The following CNOT3 variants were observed in gnomAD, a reference collection of about 807,000 sequenced individuals.
The protein encoded by CNOT3 is CCR4-NOT transcription complex subunit 3, also known as CCR4-associated factor 3.
CNOT3 carries 2 observed loss-of-function variants against 89.4 expected under a neutral mutation model. The observed-to-expected ratio is 0.02, with a 90% confidence interval of 0.01 to 0.07. The LOEUF is 0.07. Ranked by LOEUF, CNOT3 falls within the 10% of genes least tolerant of loss-of-function variation. CNOT3 has a pLI of 1.00. For missense variants in CNOT3, 664 were observed against 1,010.2 expected (o/e 0.66, Z 4.65); for synonymous variants, 486 against 402.0 (o/e 1.21, Z -2.50).
intron 1 of CNOT3, chr19:54,142,707 AC>A (rs2074502224): frequency 1.7e-6 from 1 of 589,404 alleles, no homozygotes; most frequent in Non-Finnish European, 3.0e-6. Context: ...AAAGTATGTA[AC>A]TTTTCTTGTT....
intron 15 of CNOT3, 35 bp from the exon 16 acceptor site, chr19:54,152,832 G>C (rs1222275675): frequency 2.0e-6 from 2 of 1,011,218 alleles, no homozygotes; most frequent in Non-Finnish European, 1.5e-6. Flanking sequence ...AGGACTAGTA[G>C]GCAGCTGGCA....
At chr19:54,155,104 GT>G (rs1476003211) in intron 17 of CNOT3, 20 of 608,204 alleles carry the variant, frequency 3.3e-5, no homozygotes, top group Admixed American at 1.6e-4. Context: ...GGCCCCCTCC[GT>G]TTCCTCCTCG....
chr19:54,145,890 C>T lies in CNOT3; in HGVS notation c.704-20C>T, dbSNP rs2074645939. ...GGGCTGTGTGAGCCAGCTAAGCATG[C>T]CCTTCTTCTGCCCCCACAGCACAGG... On this transcript the variant is annotated intron_variant, in intron 8 of 17. Transcript: ENST00000221232. The surrounding 1 kb of genome is among the most constrained non-coding windows in gnomAD (Gnocchi z 5.9). 1 of 1,612,798 alleles carries T rather than the reference C, an allele frequency of 6.2e-7. No homozygotes were observed.
At chr19:54,143,300 G>A (rs1017350190) in intron 3 of CNOT3, 114 bp downstream of exon 3, 2 of 924,808 alleles carry the variant, frequency 2.2e-6, no homozygotes, top group Non-Finnish European at 3.3e-6. Flanking sequence ...AGATGCTGAG[G>A]ACCTAAGAGA....
chr19:54,148,520 C>A lies in CNOT3; in HGVS notation c.1267C>A (p.Gln423Lys), dbSNP rs778793002. 6.4e-7 allele frequency: 1 copy of A among 1,556,792 alleles called. No homozygotes were observed. The highest frequency in any genetic ancestry group is 8.7e-7 in the Non-Finnish European group (1 of 1,146,980). The change falls in exon 11 of 18, where the codon CAG becomes AAG. Residue 423 changes from glutamine to lysine, a missense_variant. Transcript: ENST00000221232. This position sits in a 1 kb window ranked among gnomAD's most constrained non-coding sequence, Gnocchi z 6.3. ...NSSAGGGAGK[Q>K]NGATSYSSVV... Reference sequence around the variant, plus strand: ...CAGTGCCGGTGGAGGGGCTGGCAAGCAGAATGGCGCCACCAGTGAGTGAGG... The same window carrying A: ...CAGTGCCGGTGGAGGGGCTGGCAAGAAGAATGGCGCCACCAGTGAGTGAGG...
chr19:54,148,774 A>G lies in CNOT3; in HGVS notation c.1406+31A>G, dbSNP rs587759754. On this transcript the variant is annotated intron_variant, in intron 12 of 17. Transcript: ENST00000221232. The surrounding 1 kb of genome is among the most constrained non-coding windows in gnomAD (Gnocchi z 6.3). ...TGTCTCGGCCATCGGCAGGGTTGGG[A>G]TGGCAGCCTTTTGAAACAGAGAGGC... The G allele has an allele frequency of 6.2e-6, 10 of 1,600,434 alleles. No individual in the cohort carries two copies. In the South Asian group the frequency reaches 7.8e-5, roughly 13 times the overall value.
chr19:54,148,967 T>C lies in CNOT3; in HGVS notation c.1406+224T>C, dbSNP rs2074876875. ...GCCCTTCAGAACATTCTAAAATACG[T>C]TCTCATCTAAGTGGAAGTTTTCTCA... On this transcript the variant is annotated intron_variant, in intron 12 of 17. Transcript: ENST00000221232. This position sits in a 1 kb window ranked among gnomAD's most constrained non-coding sequence, Gnocchi z 6.3. Among the ~76,000 whole-genome samples the C allele has an allele frequency of 2.0e-5, 3 of 152,160 alleles. No homozygotes were observed. In the South Asian group the frequency reaches 6.2e-4, roughly 31 times the overall value.
At position 54,152,467 on chromosome 19, in the gene CNOT3, C is replaced by T; in HGVS notation, c.1745C>T (p.Ala582Val). The change falls in exon 15 of 18, where the codon GCC becomes GTC. Residue 582 changes from alanine (A) to valine (V), a missense_variant. Around this residue, in one of 8 missense-constraint regions of CNOT3, gnomAD observed 545 missense variants for 566.2 expected, o/e 0.96. Coordinates refer to ENST00000221232, the MANE Select transcript of CNOT3 (RefSeq NM_014516.4). Reference sequence around the variant, plus strand: ...AGTACATCAGCACCTCCGGCCTCAGCCCAGCCGCCCCTGCAGCTGTCAGAG... The same window carrying T: ...AGTACATCAGCACCTCCGGCCTCAGTCCAGCCGCCCCTGCAGCTGTCAGAG... ...LSSTSAPPAS[A>V]QPPLQLSEVN... 6.2e-7 allele frequency: 1 copy of T among 1,614,206 alleles called. No homozygotes were observed. The highest frequency in any genetic ancestry group is 8.5e-7 in the Non-Finnish European group (1 of 1,180,026).
At chr19:54,151,551 C>G (rs1340518304) in intron 13 of CNOT3, among the ~76,000 whole-genome samples, 1 of 152,220 alleles carries the variant, frequency 6.6e-6, no homozygotes, top group Non-Finnish European at 1.5e-5. Context: ...GCCTTGGCGA[C>G]TGACTCGTTG....
Position 54,152,479 on chromosome 19 carries a change from T to C in CNOT3, c.1757T>C (p.Leu586Pro). 1 of 1,614,176 alleles carries C rather than the reference T, an allele frequency of 6.2e-7. No homozygotes were observed. ...SAPPASAQPP[L>P]QLSEVNIPLS... is the part of the protein sequence containing the mutation. ...CCTCCGGCCTCAGCCCAGCCGCCCC[T>C]GCAGCTGTCAGAGGTGAACATACCG... is the stretch of plus-strand genomic sequence containing the variant. Residue 586 changes from leucine (L) to proline (P), a missense_variant, in exon 15 of 18, where the codon CTG becomes CCG. Physicochemically the swap from Leu to Pro is moderately conservative, Grantham distance 98 (BLOSUM62 -3). Transcript: ENST00000221232.
At chr19:54,143,575 G>T in intron 4 of CNOT3, 59 bp downstream of exon 4, 1 of 1,604,986 alleles carries the variant, frequency 6.2e-7, no homozygotes, top group South Asian at 1.1e-5. Flanking sequence ...CTGGGAGAGT[G>T]GACTGCTGGG....
intron 13 of CNOT3, 22 bp downstream of exon 13, chr19:54,149,780 C>T (rs765093180): frequency 1.1e-4 from 169 of 1,576,846 alleles, no homozygotes; most frequent in Middle Eastern, 1.7e-4. Flanking sequence ...GGACATCCCC[C>T]GAGCCTCTGT....
rs2075271512 is a variant in CNOT3, at chr19:54,153,706, C to T, written c.2038-9C>T. On this transcript the variant is annotated splice_polypyrimidine_tract_variant and intron_variant, in intron 16 of 17. Transcript: ENST00000221232. ...CCCCTGATCCCCCTCTCCACTGTTC[C>T]TCCCCCAGGGCACTAAGGCACAGTA... The T allele has an allele frequency of 1.2e-6, 2 of 1,613,560 alleles. No homozygotes were observed. The highest frequency in any genetic ancestry group is 1.7e-6 in the Non-Finnish European group (2 of 1,179,510).
rs764340197 is a variant in CNOT3, at chr19:54,152,272, C to T, written c.1652C>T (p.Ala551Val). The change falls in exon 14 of 18, where the codon GCC becomes GTC. Residue 551 changes from alanine to valine, a missense_variant. Ala to Val is a moderately conservative substitution (Grantham distance 64). This residue lies in a region of CNOT3 where 545 missense variants were observed against 566.2 expected (regional missense o/e 0.96). Transcript: ENST00000221232. ...SSLKSMAERA[A>V]ISSGIEDPVP... Reference sequence around the variant, plus strand: ...TTGAAGTCCATGGCGGAACGGGCAGCCATCAGCTCTGGCATTGAGGACCCT... The same window carrying T: ...TTGAAGTCCATGGCGGAACGGGCAGTCATCAGCTCTGGCATTGAGGACCCT... 6.2e-7 allele frequency: 1 copy of T among 1,614,014 alleles called. No homozygotes were observed. Among genetic ancestry groups the T allele is most frequent in the Non-Finnish European group, 8.5e-7 (1 of 1,180,024 alleles).
In CNOT3 at chr19:54,148,508, G is replaced by A. The variant is rs1334816211; in HGVS notation, c.1255G>A (p.Gly419Arg). The part of the protein sequence containing the change: ...SSSSNSSAGG[G>R]AGKQNGATSY... ...CAGTAGTAACAGCAGTGCCGGTGGA[G>A]GGGCTGGCAAGCAGAATGGCGCCAC... Residue 419 changes from glycine (G) to arginine (R), a missense_variant, in exon 11 of 18, where the codon GGG (glycine) becomes AGG (arginine). Around this residue, in one of 8 missense-constraint regions of CNOT3, gnomAD observed 545 missense variants for 566.2 expected, o/e 0.96. Coordinates refer to ENST00000221232, the MANE Select transcript of CNOT3 (RefSeq NM_014516.4). This position sits in a 1 kb window ranked among gnomAD's most constrained non-coding sequence, Gnocchi z 6.3. The A allele has an allele frequency of 1.3e-6, 2 of 1,559,552 alleles. No individual in the cohort carries two copies. The highest frequency in any genetic ancestry group is 1.7e-6 in the Non-Finnish European group (2 of 1,149,310).
In CNOT3 at chr19:54,145,254, C is replaced by T. The variant is rs191016671; in HGVS notation, c.484-344C>T. Among the ~76,000 whole-genome samples the T allele has an allele frequency of 3.5e-3, 528 of 152,138 alleles. 7 individuals are homozygous for T. The highest frequency in any genetic ancestry group is 0.012 in the African/African-American group (510 of 41,484). ...TGCCAGAGGCAGTCACAGTGGTGGG[C>T]GGGCTCAGTTGAGAAATCTGGGCTG... On this transcript the variant is annotated intron_variant, in intron 7 of 17. Transcript: ENST00000221232. This position sits in a 1 kb window ranked among gnomAD's most constrained non-coding sequence, Gnocchi z 5.9.
At chr19:54,143,028 C>T (rs1222613944) in intron 2 of CNOT3, 25 bp downstream of exon 2, 6 of 1,613,884 alleles carry the variant, frequency 3.7e-6, no homozygotes, top group East Asian at 4.5e-5. Context: ...TCCTGCTGCA[C>T]CTGTAGCCAC....
rs150786079 is a variant in CNOT3, at chr19:54,142,930, G to A, written c.-49G>A. On this transcript the variant is annotated splice_region_variant and 5_prime_UTR_variant, in exon 2 of 18. Coordinates refer to ENST00000221232, the MANE Select transcript of CNOT3 (RefSeq NM_014516.4). Reference sequence around the variant, plus strand: ...TTCCTCTCCAATCTCTCCTAGCAGCGTCCGTCTCCAAGAGAGTATGAAGAG... The same window carrying A: ...TTCCTCTCCAATCTCTCCTAGCAGCATCCGTCTCCAAGAGAGTATGAAGAG... The A allele has an allele frequency of 4.5e-3, 7,120 of 1,597,910 alleles. 37 individuals are homozygous for A. Among genetic ancestry groups the A allele is most frequent in the Middle Eastern group, 0.017 (100 of 5,990 alleles).
In CNOT3 at chr19:54,143,527, T is replaced by C; in HGVS notation, c.168+11T>C. ...ATTAAGAAGCTACAAGTGAGGGGGC[T>C]GGGGGCCTGGACGCCTTTGTCCTGA... On this transcript the variant is annotated intron_variant, in intron 4 of 17. Coordinates refer to ENST00000221232, the MANE Select transcript of CNOT3 (RefSeq NM_014516.4). The C allele has an allele frequency of 1.2e-6, 2 of 1,613,502 alleles. No individual in the cohort carries two copies. The highest frequency in any genetic ancestry group is 1.7e-6 in the Non-Finnish European group (2 of 1,179,738).
Sources: gnomAD v4.1 joint callset for allele counts (sites outside exome capture counted in the v4.1 genomes callset) on GRCh38, gnomAD v4.1.1 for gene constraint, gnomAD v4.1.1 regional missense constraint, Gnocchi (gnomAD v3.1) non-coding constraint, MANE v1.5 for transcripts, NCBI Gene and HGNC (gene_info 2026-07-23, HGNC 2026-07-21) for gene names.